UGT3A1: variants seen among roughly 807,000 people sequenced by gnomAD.
UGT3A1 encodes the protein UDP glycosyltransferase family 3 member A1.
A neutral mutation model predicts 37.6 loss-of-function variants in UGT3A1; 40 were observed. That is an observed-to-expected ratio of 1.06 (90% CI 0.83 to 1.38). The LOEUF (loss-of-function observed/expected upper bound fraction) is 1.38, where lower values mean the gene tolerates loss of function less well. Among genes scored for constraint, UGT3A1 ranks in the 40% most tolerant of loss-of-function variants. The pLI, the probability that UGT3A1 is intolerant of heterozygous loss-of-function variation, is 0.00. For missense variants in UGT3A1, 642 were observed against 634.2 expected, an observed-to-expected ratio of 1.01 and a Z score of -0.13; for synonymous variants, 256 against 232.3, an observed-to-expected ratio of 1.10 and a Z score of -0.93.
intron 2 of UGT3A1, among the ~76,000 whole-genome samples, chr5:35,970,057 G>C (rs1415132956): frequency 6.6e-6 from 1 of 152,134 alleles, no homozygotes; most frequent in African/African-American, 2.4e-5. Context: ...AGCAGGCAAA[G>C]AGAGAGAGAG....
intron 1 of UGT3A1, among the ~76,000 whole-genome samples, chr5:35,989,492 A>C (rs1263449262): frequency 6.6e-6 from 1 of 152,226 alleles, no homozygotes; most frequent in Non-Finnish European, 1.5e-5. Flanking sequence ...CAGCTGTCTG[A>C]ATGACTCACT....
chr5:35,985,489 G>A (rs562259024), intron 2 of UGT3A1, among the ~76,000 whole-genome samples: 35 of 152,194 alleles, frequency 2.3e-4, no homozygotes, highest in African/African-American at 7.7e-4. Flanking sequence ...AAATCAGCAC[G>A]GTACTGGCAT....
chr5:35,985,554 T>C (rs1740697474), intron 2 of UGT3A1, among the ~76,000 whole-genome samples: 1 of 152,008 alleles, frequency 6.6e-6, no homozygotes, highest in Admixed American at 6.6e-5. Context: ...AACCTACACA[T>C]GTATAGCAAC....
At chr5:35,960,182 C>A (rs902109589) in intron 4 of UGT3A1, among the ~76,000 whole-genome samples, 2 of 152,118 alleles carry the variant, frequency 1.3e-5, no homozygotes, top group African/African-American at 4.8e-5. Flanking sequence ...ACAGAAAAAT[C>A]ATTCTAAAAT....
chr5:35,990,101 A>G (rs28445103), intron 1 of UGT3A1, among the ~76,000 whole-genome samples: 3 of 148,482 alleles, frequency 2.0e-5, no homozygotes, highest in African/African-American at 4.9e-5. Context: ...CAAAAAAAAA[A>G]AAAAAAAGAA....
chr5:35,975,509 T>C (rs960890991), intron 2 of UGT3A1, among the ~76,000 whole-genome samples: 2 of 152,218 alleles, frequency 1.3e-5, no homozygotes, highest in Non-Finnish European at 2.9e-5. Context: ...AAATGCTTTA[T>C]CTACTGATGT....
intron 2 of UGT3A1, 48 bp from the exon 3 acceptor site, chr5:35,968,181 G>A (rs772711556): frequency 9.1e-7 from 1 of 1,101,804 alleles, no homozygotes; most frequent in South Asian, 1.4e-5. Context: ...CATACAACAT[G>A]GATTAACATT....
At chr5:35,977,418 G>A (rs1475186234) in intron 2 of UGT3A1, among the ~76,000 whole-genome samples, 3 of 152,306 alleles carry the variant, frequency 2.0e-5, no homozygotes, top group African/African-American at 7.2e-5. Flanking sequence ...TCCAAAGTTG[G>A]AGGTGGGCCT....
At chr5:35,979,878 T>C (rs928634886) in intron 2 of UGT3A1, among the ~76,000 whole-genome samples, 1 of 152,212 alleles carries the variant, frequency 6.6e-6, no homozygotes, top group African/African-American at 2.4e-5. Flanking sequence ...AAGGCATGTC[T>C]TACATCACAG....
intron 1 of UGT3A1, among the ~76,000 whole-genome samples, chr5:35,989,218 G>T (rs1740843110): frequency 6.6e-6 from 1 of 152,196 alleles, no homozygotes; most frequent in African/African-American, 2.4e-5. Flanking sequence ...CTTGGGGTGG[G>T]CCTATAGATC....
intron 2 of UGT3A1, among the ~76,000 whole-genome samples, chr5:35,982,326 C>A (rs1333612877): frequency 6.6e-6 from 1 of 152,246 alleles, no homozygotes; most frequent in Non-Finnish European, 1.5e-5. Flanking sequence ...ATCATTAAAG[C>A]AGCCATAGGG....
intron 2 of UGT3A1, among the ~76,000 whole-genome samples, chr5:35,972,276 T>C (rs924053215): frequency 2.0e-5 from 3 of 152,114 alleles, no homozygotes; most frequent in East Asian, 1.9e-4. Context: ...TTAAGTAAGA[T>C]AGATTACCCT....
intron 4 of UGT3A1, among the ~76,000 whole-genome samples, chr5:35,960,435 C>CT (rs1739532411): frequency 6.6e-6 from 1 of 152,176 alleles, no homozygotes; most frequent in South Asian, 2.1e-4. Context: ...CTGACCCCCC[C>CT]TCACAGGGTA....
intron 1 of UGT3A1, among the ~76,000 whole-genome samples, chr5:35,998,427 T>C (rs1741144385): frequency 6.6e-6 from 1 of 152,262 alleles, no homozygotes; most frequent in Non-Finnish European, 1.5e-5. Context: ...CTGCATTCTC[T>C]GGATACCCTT....
upstream of UGT3A1, among the ~76,000 whole-genome samples, chr5:35,992,155 G>A (rs549182385): frequency 3.9e-5 from 6 of 152,224 alleles, 1 homozygote; most frequent in South Asian, 1.2e-3. Context: ...TATATCTACC[G>A]GCTGTAATAG....
chr5:35,958,233 G>T (rs1739435838), intron 4 of UGT3A1, among the ~76,000 whole-genome samples: 1 of 151,938 alleles, frequency 6.6e-6, no homozygotes, highest in Admixed American at 6.6e-5. Flanking sequence ...TCTGATATTT[G>T]CATAGCTACC....
chr5:35,957,192 G>A lies in UGT3A1; in HGVS notation c.1071C>T (p.Leu357=), dbSNP rs750042951. The change falls in exon 5 of 7, where the codon CTC becomes CTT. Residue 357 remains leucine, a synonymous_variant. Coordinates refer to ENST00000274278, the MANE Select transcript of UGT3A1 (RefSeq NM_152404.4). ...KIVDWLPQSD[L]LAHPSIRLFV... is the part of the protein sequence containing the mutation. ...GCAGACCTAAGCAGTCCTTACCCAG[G>A]AGGTCACTCTGAGGAAGCCAGTCCA... The A allele has an allele frequency of 2.5e-6, 4 of 1,613,842 alleles. No homozygotes were observed. Among genetic ancestry groups the A allele is most frequent in the East Asian group, 4.5e-5 (2 of 44,882 alleles).
chr5:35,996,084 A>G (rs1741089389), upstream of UGT3A1, among the ~76,000 whole-genome samples: 1 of 151,942 alleles, frequency 6.6e-6, no homozygotes, highest in Admixed American at 6.6e-5. Context: ...AGCTAAAGCA[A>G]TTAACTTCTC....
intron 2 of UGT3A1, among the ~76,000 whole-genome samples, chr5:35,982,901 T>C (rs1740584537): frequency 6.6e-6 from 1 of 152,140 alleles, no homozygotes. Flanking sequence ...TTGACAGTGA[T>C]TGAGTTCTCA....
Sources: allele counts gnomAD v4.1 joint callset (sites outside exome capture counted in the v4.1 genomes callset), GRCh38; gene constraint gnomAD v4.1.1; transcripts MANE v1.5; gene names NCBI Gene and HGNC (gene_info 2026-07-23, HGNC 2026-07-21).